Variants in AMPD2 observed in about 807,000 individuals in gnomAD.
AMPD2 encodes AMP deaminase 2.
In AMPD2, 52 loss-of-function variants were observed where a neutral mutation model predicts 91.3. The ratio of observed to expected loss-of-function variants is 0.57; its 90% CI spans 0.46 to 0.72. The LOEUF (loss-of-function observed/expected upper bound fraction) is 0.72. AMPD2 is among the 30% of genes least tolerant of loss of function. The probability of loss-of-function intolerance (pLI) is 0.00; values close to 1 mark genes in which losing one functional copy is unlikely to be tolerated. For synonymous variants in AMPD2, 455 were observed against 456.4 expected (o/e 1.00, Z 0.04); for missense variants, 822 against 1,122.3 (o/e 0.73, Z 3.82).
At chr1:109,622,636 C>A (rs1390054433) in intron 2 of AMPD2, among the ~76,000 whole-genome samples, 1 of 152,188 alleles carries the variant, frequency 6.6e-6, no homozygotes, top group Non-Finnish European at 1.5e-5. Context: ...TGCCCGTGTG[C>A]CACCTTCAGT....
rs1234423477 is a variant in AMPD2 at position 109,627,582 on chromosome 1, C to T, written c.950+64C>T. The T allele has an allele frequency of 4.4e-6, 7 of 1,586,618 alleles. No homozygotes were observed. In the East Asian group the frequency reaches 1.1e-4, roughly 25 times the overall value. The stretch of plus-strand genomic sequence containing the variant: ...CAGCCCAGATTCTCCAGCCCCAGTT[C>T]TGCCCCAGACTCCCATCACCTGGTG... On this transcript the variant is annotated intron_variant, in intron 9 of 18. Transcript: ENST00000528667.
Position 109,624,015 on chromosome 1 carries a change from C to T in AMPD2, c.92-1288C>T. 1 of 985,722 alleles carries T rather than the reference C, an allele frequency of 1.0e-6. No individual in the cohort carries two copies. The highest frequency in any genetic ancestry group is 1.2e-6 in the Non-Finnish European group (1 of 830,174). The allele number at this position is 985,722 out of a possible 1,614,324, so 61.1% of individuals were successfully genotyped here. A position where few individuals can be genotyped will look rare whatever the true frequency, so the allele number is the denominator to read the frequency against. Reference sequence around the variant, plus strand: ...ACAGCCTGTGCCAGCCCCTGAGGGACCGGCTGCAGCTTCACTGGCAAACAG... The same window carrying T: ...ACAGCCTGTGCCAGCCCCTGAGGGATCGGCTGCAGCTTCACTGGCAAACAG... On this transcript the variant is annotated intron_variant, in intron 2 of 18. Transcript: ENST00000528667. The surrounding 1 kb of genome is among the most constrained non-coding windows in gnomAD (Gnocchi z 5.2).
Position 109,628,098 on chromosome 1 carries a change from C to T in AMPD2, c.1096C>T (p.His366Tyr). The change falls in exon 11 of 19, where the codon CAT becomes TAT. Residue 366 changes from histidine (H) to tyrosine (Y), a missense_variant. His to Tyr is a moderately conservative substitution (Grantham distance 83, BLOSUM62 2). This residue lies in a region of AMPD2 where 37 missense variants were observed against 84.8 expected (regional missense o/e 0.44). Coordinates refer to ENST00000528667, the MANE Select transcript of AMPD2 (RefSeq NM_001368809.2). This position sits in a 1 kb window ranked among gnomAD's most constrained non-coding sequence, Gnocchi z 7.1. ...YNIRKVDTHI[H>Y]ASSCMNQKHL... ...TCCATTCCAGGTGGACACCCACATC[C>T]ATGCCTCGTCCTGCATGAACCAGAA... 6.2e-7 allele frequency: 1 copy of T among 1,613,632 alleles called. No homozygotes were observed. Among genetic ancestry groups the T allele is most frequent in the Non-Finnish European group, 8.5e-7 (1 of 1,179,796 alleles).
Position 109,630,962 on chromosome 1 carries a change from G to A in AMPD2, c.2288G>A (p.Gly763Glu). 1 of 1,614,120 alleles carries A rather than the reference G, an allele frequency of 6.2e-7. No homozygotes were observed. Among genetic ancestry groups the A allele is most frequent in the Non-Finnish European group, 8.5e-7 (1 of 1,180,032 alleles). ...TTGCAGGTAAAGAGCCACTGGCTGGGACCCAACTATACCAAGGAAGGCCCT... is the reference window on the plus strand; with the variant it reads ...TTGCAGGTAAAGAGCCACTGGCTGGAACCCAACTATACCAAGGAAGGCCCT... ...FSHKVKSHWL[G>E]PNYTKEGPEG... The change falls in exon 19 of 19, where the codon GGA (glycine) becomes GAA (glutamate). Residue 763 changes from glycine (G) to glutamate (E), a missense_variant. This residue lies in a region of AMPD2 where 430 missense variants were observed against 606.0 expected (regional missense o/e 0.71). Transcript: ENST00000528667.
Position 109,620,160 on chromosome 1 carries a change from G to T in AMPD2, c.-381G>T. ...CTCAGTGCCAGGGCAGGGGCCCTTGGAGTGACTTGGCTGGGGTCTGTGGCC... is the reference window on the plus strand; with the variant it reads ...CTCAGTGCCAGGGCAGGGGCCCTTGTAGTGACTTGGCTGGGGTCTGTGGCC... On this transcript the variant is annotated 5_prime_UTR_variant, in exon 1 of 19. Coordinates refer to ENST00000528667, the MANE Select transcript of AMPD2 (RefSeq NM_001368809.2). 2.0e-6 allele frequency: 3 copies of T among 1,483,082 alleles called. No homozygotes were observed. Among genetic ancestry groups the T allele is most frequent in the Non-Finnish European group, 2.8e-6 (3 of 1,062,138 alleles). 91.9% of individuals were successfully genotyped at this position (1,483,082 alleles called of 1,614,324 possible).
chr1:109,622,869 G>C (rs1388899377), intron 2 of AMPD2, among the ~76,000 whole-genome samples: 2 of 152,226 alleles, frequency 1.3e-5, no homozygotes, highest in East Asian at 3.9e-4. Flanking sequence ...AGTGGTCTGG[G>C]GCCATATGTA....
Position 109,626,220 on chromosome 1 carries a change from G to A in AMPD2, c.414G>A (p.Ser138=), listed in dbSNP as rs763135190. The change falls in exon 5 of 19, where the codon TCG becomes TCA. Residue 138 remains serine, a synonymous_variant. Transcript: ENST00000528667. ...KQDFLKTDSD[S]DLQLYKEQGE... is the part of the protein sequence containing the mutation. ...ATTTCCTGAAGACGGACAGTGACTC[G>A]GACCTACAGTGAGGAGGGCAGAGGG... 6 of 1,614,160 alleles carry A rather than the reference G, an allele frequency of 3.7e-6. No individual in the cohort carries two copies. The South Asian group carries it at 5.5e-5, about 15-fold the overall frequency.
In AMPD2 at chr1:109,630,978, G is replaced by T. The variant is rs770018808; in HGVS notation, c.2304G>T (p.Lys768Asn). The change falls in exon 19 of 19, where the codon AAG becomes AAT. Residue 768 changes from lysine to asparagine, a missense_variant. Lys to Asn is a moderately conservative substitution (Grantham distance 94). Coordinates refer to ENST00000528667, the MANE Select transcript of AMPD2 (RefSeq NM_001368809.2). Reference protein sequence around the residue: ...KSHWLGPNYTKEGPEGNDIRR... With the variant: ...KSHWLGPNYTNEGPEGNDIRR... ...ACTGGCTGGGACCCAACTATACCAA[G>T]GAAGGCCCTGAGGGGAATGACATCC... 1 of 1,614,146 alleles carries T rather than the reference G, an allele frequency of 6.2e-7. No individual in the cohort carries two copies. Among genetic ancestry groups the T allele is most frequent in the South Asian group, 1.1e-5 (1 of 91,090 alleles).
In AMPD2 at chr1:109,628,405, A is replaced by G; in HGVS notation, c.1317A>G (p.Lys439=). ...TFHRFDKFNA[K]YNPIGESVLR... The stretch of plus-strand genomic sequence containing the variant: ...ATCGCTTTGACAAGTTTAATGCCAA[A>G]TACAACCCTATTGGGGAGTCCGTCC... The change falls in exon 12 of 19, where the codon AAA becomes AAG. Residue 439 remains lysine (K), a synonymous_variant. Transcript: ENST00000528667. This position sits in a 1 kb window ranked among gnomAD's most constrained non-coding sequence, Gnocchi z 7.1. 1 of 1,614,038 alleles carries G rather than the reference A, an allele frequency of 6.2e-7. No homozygotes were observed. Among genetic ancestry groups the G allele is most frequent in the Non-Finnish European group, 8.5e-7 (1 of 1,180,038 alleles).
chr1:109,622,472 C>T (rs969738552), intron 2 of AMPD2: 2 of 362,660 alleles, frequency 5.5e-6, no homozygotes, highest in East Asian at 7.3e-5. Context: ...CTCAGAATCT[C>T]AGAGTTGGTG....
In AMPD2 at chr1:109,628,779, G is replaced by A; in HGVS notation, c.1544G>A (p.Arg515His). 1.9e-6 allele frequency: 3 copies of A among 1,570,602 alleles called. No individual in the cohort carries two copies. The highest frequency in any genetic ancestry group is 2.6e-6 in the Non-Finnish European group (3 of 1,157,394). ...CACCGCGTGCACTCCCCCAACGTGC[G>A]CTGGCTGGTGCAGGTGCCCCGCCTC... ...VMHRVHSPNV[R>H]WLVQVPRLFD... The change falls in exon 13 of 19, where the codon CGC becomes CAC. Residue 515 changes from arginine to histidine, a missense_variant. By Grantham distance (29) the Arg-to-His change is conservative. This residue lies in a region of AMPD2 where 430 missense variants were observed against 606.0 expected (regional missense o/e 0.71). Coordinates refer to ENST00000528667, the MANE Select transcript of AMPD2 (RefSeq NM_001368809.2). This position sits in a 1 kb window ranked among gnomAD's most constrained non-coding sequence, Gnocchi z 7.1.
chr1:109,625,330 C>T lies in AMPD2; in HGVS notation c.119C>T (p.Pro40Leu), dbSNP rs748496694. The change falls in exon 3 of 19, where the codon CCG becomes CTG. Residue 40 changes from proline to leucine, a missense_variant. Pro to Leu is a moderately conservative substitution (Grantham distance 98). Transcript: ENST00000528667. This position sits in a 1 kb window ranked among gnomAD's most constrained non-coding sequence, Gnocchi z 4.0. ...GCTCGGGGTGGTCTGGGGGCCCCTC[C>T]GCTGCAGTCTGCCCGATCCCTGCCG... ...PEARGGLGAP[P>L]LQSARSLPGP... 23 of 1,613,158 alleles carry T rather than the reference C, an allele frequency of 1.4e-5. No individual in the cohort carries two copies. The highest frequency in any genetic ancestry group is 1.3e-4 in the East Asian group (6 of 44,870).
At position 109,625,450 on chromosome 1, in the gene AMPD2, C is replaced by T; in HGVS notation, c.222+17C>T. On this transcript the variant is annotated intron_variant, in intron 3 of 18. Coordinates refer to ENST00000528667, the MANE Select transcript of AMPD2 (RefSeq NM_001368809.2). This position sits in a 1 kb window ranked among gnomAD's most constrained non-coding sequence, Gnocchi z 4.0. ...ATCGCCGAGGTATCACCTGGCACCA[C>T]CCGCACCCTCACCCCGTGTCTCCAT... 2 of 1,613,830 alleles carry T rather than the reference C, an allele frequency of 1.2e-6. No individual in the cohort carries two copies. The highest frequency in any genetic ancestry group is 8.5e-7 in the Non-Finnish European group (1 of 1,179,936).
chr1:109,631,377 G>A lies in AMPD2; in HGVS notation c.*225G>A. 1 of 592,740 alleles carries A rather than the reference G, an allele frequency of 1.7e-6. No individual in the cohort carries two copies. The highest frequency in any genetic ancestry group is 2.9e-5 in the Admixed American group (1 of 33,936). The allele number at this position is 592,740 out of a possible 1,614,324, so 36.7% of individuals were successfully genotyped here. The stretch of plus-strand genomic sequence containing the variant: ...TTGAGCCTGATGGCCCAGGTATTGA[G>A]GGCCTCCCCTGCTGGTGGCCCTGTC... On this transcript the variant is annotated 3_prime_UTR_variant, in exon 19 of 19. Coordinates refer to ENST00000528667, the MANE Select transcript of AMPD2 (RefSeq NM_001368809.2).
At chr1:109,626,613 TG>T in intron 6 of AMPD2, 112 bp from the exon 7 acceptor site, 1 of 1,444,020 alleles carries the variant, frequency 6.9e-7, no homozygotes, top group Non-Finnish European at 9.4e-7. Flanking sequence ...TGAGTGTTCC[TG>T]GGGGTCAGGG....
Position 109,624,022 on chromosome 1 carries a change from C to T in AMPD2, c.92-1281C>T. ...GTGCCAGCCCCTGAGGGACCGGCTG[C>T]AGCTTCACTGGCAAACAGGCGGGCA... On this transcript the variant is annotated intron_variant, in intron 2 of 18. Coordinates refer to ENST00000528667, the MANE Select transcript of AMPD2 (RefSeq NM_001368809.2). The surrounding 1 kb of genome is among the most constrained non-coding windows in gnomAD (Gnocchi z 5.2). 1 of 985,618 alleles carries T rather than the reference C, an allele frequency of 1.0e-6. No individual in the cohort carries two copies. Among genetic ancestry groups the T allele is most frequent in the Non-Finnish European group, 1.2e-6 (1 of 830,074 alleles). 61.1% of individuals were successfully genotyped at this position (985,618 alleles called of 1,614,324 possible). A position where few individuals can be genotyped will look rare whatever the true frequency, so the allele number is the denominator to read the frequency against.
At chr1:109,622,144 G>A (rs1016535901) in intron 2 of AMPD2, 2 of 454,300 alleles carry the variant, frequency 4.4e-6, no homozygotes, top group Non-Finnish European at 8.9e-6. Context: ...TGTAGCTATA[G>A]CCCAAGTATC....
At position 109,628,820 on chromosome 1, in the gene AMPD2, G is replaced by T. The variant is rs1467129276; in HGVS notation, c.1571+14G>T. 6.4e-7 allele frequency: 1 copy of T among 1,552,102 alleles called. No homozygotes were observed. Among genetic ancestry groups the T allele is most frequent in the South Asian group, 1.2e-5 (1 of 85,138 alleles). ...GCCCCGCCTCTTGTGAGTGTCCCTG[G>T]AGTGGGAGGGGAACCTGCGGGGTCA... On this transcript the variant is annotated intron_variant, in intron 13 of 18. Transcript: ENST00000528667. The surrounding 1 kb of genome is among the most constrained non-coding windows in gnomAD (Gnocchi z 7.1).
At position 109,627,422 on chromosome 1, in the gene AMPD2, A is replaced by G. The variant is rs752929168; in HGVS notation, c.861-7A>G. The G allele has an allele frequency of 1.2e-6, 2 of 1,614,026 alleles. No homozygotes were observed. The highest frequency in any genetic ancestry group is 2.2e-5 in the South Asian group (2 of 91,082). ...GCTCTCCTCACCCAAGCTCCCCTCCATGCCAGTTGCTCAGAGGTGGAGCTG... is the reference window on the plus strand; with the variant it reads ...GCTCTCCTCACCCAAGCTCCCCTCCGTGCCAGTTGCTCAGAGGTGGAGCTG... On this transcript the variant is annotated splice_polypyrimidine_tract_variant and splice_region_variant and intron_variant, in intron 8 of 18. Coordinates refer to ENST00000528667, the MANE Select transcript of AMPD2 (RefSeq NM_001368809.2).
Sources: allele counts gnomAD v4.1 joint callset (sites outside exome capture counted in the v4.1 genomes callset), GRCh38; gene constraint gnomAD v4.1.1; regional missense constraint gnomAD v4.1.1; non-coding constraint Gnocchi (gnomAD v3.1); transcripts MANE v1.5; gene names NCBI Gene and HGNC (gene_info 2026-07-23, HGNC 2026-07-21).